Variants in SLC30A9 observed in about 807,000 individuals in gnomAD.
The protein encoded by SLC30A9 is solute carrier family 30 member 9.
In SLC30A9, 58 loss-of-function variants were observed where a neutral mutation model predicts 87.5. The ratio of observed to expected loss-of-function variants is 0.66; its 90% CI spans 0.54 to 0.82. The LOEUF is 0.82. Among genes scored for constraint, SLC30A9 ranks in the 40% least tolerant of loss-of-function variants. The pLI, the probability that SLC30A9 is intolerant of heterozygous loss-of-function variation, is 0.00. For missense variants in SLC30A9, 557 were observed against 679.1 expected, an observed-to-expected ratio of 0.82 and a Z score of 2.00; for synonymous variants, 234 against 233.0, an observed-to-expected ratio of 1.00 and a Z score of -0.04.
intron 8 of SLC30A9, among the ~76,000 whole-genome samples, chr4:42,043,404 A>G (rs1717003113): frequency 6.6e-6 from 1 of 152,186 alleles, no homozygotes; most frequent in Non-Finnish European, 1.5e-5. Context: ...AAAACACAGC[A>G]TGAGAACTTT....
chr4:41,990,564 C>T lies in SLC30A9; in HGVS notation c.-88C>T, dbSNP rs1268645899. Reference sequence around the variant, plus strand: ...GTGGCGGCGAAGCCATCGGTGTTCGCTGATGTCCAGTCTATGGAGTCAGTT... The same window carrying T: ...GTGGCGGCGAAGCCATCGGTGTTCGTTGATGTCCAGTCTATGGAGTCAGTT... On this transcript the variant is annotated 5_prime_UTR_variant, in exon 1 of 18. Transcript: ENST00000264451. 1 of 752,366 alleles carries T rather than the reference C, an allele frequency of 1.3e-6. No homozygotes were observed. The highest frequency in any genetic ancestry group is 3.0e-5 in the Admixed American group (1 of 33,850). The allele number at this position is 752,366 out of a possible 1,614,324, so 46.6% of individuals were successfully genotyped here.
chr4:42,009,509 A>G (rs146254768), intron 2 of SLC30A9, among the ~76,000 whole-genome samples: 2 of 152,366 alleles, frequency 1.3e-5, no homozygotes, highest in East Asian at 3.9e-4. Flanking sequence ...ATGTGTGGCA[A>G]ACAGCCAGGG....
At chr4:42,028,116 A>C (rs973273828) in intron 6 of SLC30A9, among the ~76,000 whole-genome samples, 2 of 152,088 alleles carry the variant, frequency 1.3e-5, no homozygotes, top group African/African-American at 4.8e-5. Flanking sequence ...GCAAGAATTT[A>C]TTTTATTTTA....
At chr4:42,047,593 G>T (rs535037540) in intron 8 of SLC30A9, among the ~76,000 whole-genome samples, 3 of 152,338 alleles carry the variant, frequency 2.0e-5, no homozygotes, top group African/African-American at 7.2e-5. Flanking sequence ...ATGCTGGAGA[G>T]GATGTGGAGA....
chr4:42,049,473 T>G lies in SLC30A9; in HGVS notation c.834T>G (p.Cys278Trp). The G allele has an allele frequency of 1.3e-6, 2 of 1,557,910 alleles. No individual in the cohort carries two copies. Among genetic ancestry groups the G allele is most frequent in the Non-Finnish European group, 1.8e-6 (2 of 1,137,544 alleles). The change falls in exon 9 of 18, where the codon TGT (cysteine) becomes TGG (tryptophan). Residue 278 changes from cysteine to tryptophan, a missense_variant. Cys to Trp is a radical substitution (Grantham distance 215). Coordinates refer to ENST00000264451, the MANE Select transcript of SLC30A9 (RefSeq NM_006345.4). ...SEAIHSLSDT[C>W]NQGLLALGIS... The stretch of plus-strand genomic sequence containing the variant: ...CTATACACTCATTATCTGATACTTG[T>G]AATCAGGTGAGGACTAAAGCTTTTT...
chr4:42,022,440 C>G (rs1357286982), intron 4 of SLC30A9, among the ~76,000 whole-genome samples: 1 of 151,812 alleles, frequency 6.6e-6, no homozygotes, highest in Middle Eastern at 3.4e-3. Context: ...CCATGTTGAC[C>G]AGGCTGGTCT....
intron 9 of SLC30A9, among the ~76,000 whole-genome samples, chr4:42,054,524 T>C (rs926357346): frequency 1.4e-4 from 21 of 148,820 alleles, no homozygotes; most frequent in African/African-American, 4.9e-4. Flanking sequence ...AGAGTCTCGC[T>C]CTGTCACCCA....
chr4:42,035,058 C>A (rs1017223427), intron 6 of SLC30A9, among the ~76,000 whole-genome samples: 1 of 152,062 alleles, frequency 6.6e-6, no homozygotes, highest in African/African-American at 2.4e-5. Flanking sequence ...TTTCCATATG[C>A]TTGTTGGTGG....
chr4:42,062,565 G>A (rs933940489), intron 10 of SLC30A9, among the ~76,000 whole-genome samples: 11 of 152,086 alleles, frequency 7.2e-5, no homozygotes, highest in Non-Finnish European at 1.6e-4. Flanking sequence ...CAAATTATAG[G>A]TATTATAAAT....
intron 6 of SLC30A9, chr4:42,029,209 A>G: frequency 2.5e-6 from 1 of 407,974 alleles, no homozygotes; most frequent in Non-Finnish European, 4.9e-6. Context: ...CGCTGTTGCC[A>G]TGACCTGCAG....
chr4:42,068,245 CTT>C (rs59683160), intron 14 of SLC30A9, among the ~76,000 whole-genome samples: 9 of 142,258 alleles, frequency 6.3e-5, no homozygotes, highest in Middle Eastern at 3.4e-3. Flanking sequence ...GAACTTAACT[CTT>C]TTTTTTTTTT....
At chr4:42,012,092 C>A (rs1818295) in intron 2 of SLC30A9, among the ~76,000 whole-genome samples, 98,511 of 151,980 alleles carry the variant, frequency 0.65, 36,052 homozygotes, top group East Asian at 0.96. Flanking sequence ...AAAAACAGGA[C>A]TTCTCAGATC....
At chr4:41,991,835 A>G (rs1211811014) in intron 1 of SLC30A9, among the ~76,000 whole-genome samples, 1 of 152,188 alleles carries the variant, frequency 6.6e-6, no homozygotes, top group Non-Finnish European at 1.5e-5. Flanking sequence ...ATTTTATGTA[A>G]TATAAGCTAT....
At chr4:42,039,721 A>G (rs991644655) in intron 8 of SLC30A9, among the ~76,000 whole-genome samples, 2 of 152,014 alleles carry the variant, frequency 1.3e-5, no homozygotes, top group African/African-American at 4.8e-5. Flanking sequence ...TCGGCCTCCC[A>G]AAGTGCTGGG....
intron 1 of SLC30A9, among the ~76,000 whole-genome samples, chr4:42,000,035 G>A (rs1714910395): frequency 6.6e-6 from 1 of 152,018 alleles, no homozygotes; most frequent in South Asian, 2.1e-4. Flanking sequence ...GTACGTGGCA[G>A]TTTATTGTGC....
At chr4:42,062,429 T>C (rs1203796269) in intron 10 of SLC30A9, among the ~76,000 whole-genome samples, 1 of 152,156 alleles carries the variant, frequency 6.6e-6, no homozygotes, top group Admixed American at 6.6e-5. Flanking sequence ...ATAATTGAGA[T>C]TTTAGCACCA....
chr4:42,084,761 G>A (rs995249753), intron 17 of SLC30A9, among the ~76,000 whole-genome samples: 2 of 152,084 alleles, frequency 1.3e-5, no homozygotes, highest in African/African-American at 2.4e-5. Flanking sequence ...GTGAGCCACC[G>A]CGCCCGGCCA....
intron 6 of SLC30A9, among the ~76,000 whole-genome samples, chr4:42,030,294 C>T (rs975000743): frequency 1.4e-4 from 21 of 152,106 alleles, no homozygotes; most frequent in African/African-American, 5.1e-4. Context: ...TTAATGTAAA[C>T]TAAAGTGTAG....
At chr4:42,034,787 T>A (rs1716610476) in intron 6 of SLC30A9, among the ~76,000 whole-genome samples, 1 of 152,254 alleles carries the variant, frequency 6.6e-6, no homozygotes. Flanking sequence ...TTTGGACGTA[T>A]GTCCAGAAGT....
Sources: gnomAD v4.1 joint callset for allele counts (sites outside exome capture counted in the v4.1 genomes callset) on GRCh38, gnomAD v4.1.1 for gene constraint, MANE v1.5 for transcripts, NCBI Gene and HGNC (gene_info 2026-07-23, HGNC 2026-07-21) for gene names.